Variants in RANBP9 observed in about 807,000 individuals in gnomAD.
RANBP9 encodes the protein RAN binding protein 9.
In RANBP9, 15 loss-of-function variants were observed where a neutral mutation model predicts 84.3. That is an observed-to-expected ratio of 0.18 (90% CI 0.12 to 0.27). The LOEUF (loss-of-function observed/expected upper bound fraction) is 0.27. Ranked by LOEUF, RANBP9 falls within the 10% of genes least tolerant of loss-of-function variation. RANBP9 has a pLI of 1.00. For missense variants in RANBP9, 809 were observed against 912.8 expected, an observed-to-expected ratio of 0.89 and a Z score of 1.46; for synonymous variants, 392 against 349.6, an observed-to-expected ratio of 1.12 and a Z score of -1.35.
intron 8 of RANBP9, 146 bp from the exon 9 acceptor site, chr6:13,639,899 C>G (rs1305554042): frequency 2.9e-6 from 2 of 691,482 alleles, no homozygotes; most frequent in African/African-American, 3.6e-5. Flanking sequence ...ATATGGTGTC[C>G]TATGCTTTAA....
At chr6:13,706,317 C>T (rs1758120549) in intron 1 of RANBP9, among the ~76,000 whole-genome samples, 1 of 152,094 alleles carries the variant, frequency 6.6e-6, no homozygotes, top group Non-Finnish European at 1.5e-5. Flanking sequence ...GCACTCCAGC[C>T]TGGGCAACAG....
Position 13,622,268 on chromosome 6 carries a change from A to T in RANBP9, c.*94T>A. The T allele has an allele frequency of 1.6e-6, 2 of 1,283,688 alleles. No individual in the cohort carries two copies. The allele number at this position is 1,283,688 out of a possible 1,614,324, so 79.5% of individuals were successfully genotyped here. A position where few individuals can be genotyped will look rare whatever the true frequency, so the allele number is the denominator to read the frequency against. On this transcript the variant is annotated 3_prime_UTR_variant, in exon 14 of 14. Transcript: ENST00000011619. ...CGACAAAAACCTGTCCCCAGTACAT[A>T]ATTTAAAAAATCTAAATTTCAAATC...
intron 1 of RANBP9, among the ~76,000 whole-genome samples, chr6:13,708,675 T>C (rs1056735138): frequency 5.9e-5 from 9 of 152,318 alleles, no homozygotes; most frequent in East Asian, 3.9e-4. Flanking sequence ...TTCACTCTTC[T>C]TATTCTGTGA....
intron 2 of RANBP9, among the ~76,000 whole-genome samples, chr6:13,664,234 T>C (rs1341650856): frequency 6.6e-6 from 1 of 151,954 alleles, no homozygotes; most frequent in East Asian, 1.9e-4. Context: ...AAAAACAAAA[T>C]TTAAAAAACC....
chr6:13,708,633 C>G (rs1414532399), intron 1 of RANBP9, among the ~76,000 whole-genome samples: 1 of 152,070 alleles, frequency 6.6e-6, no homozygotes, highest in African/African-American at 2.4e-5. Context: ...TTAGGTAAAA[C>G]CAATGCAGCA....
rs753944658 is a variant in RANBP9 at position 13,711,464 on chromosome 6, T to TTGCTGC, written c.36_41dup (p.Gln17_Gln18dup). On this transcript the variant is annotated inframe_insertion, in exon 1 of 14. Transcript: ENST00000011619. ...GTGGCGGCGACAGCTGCTGCTGCTG[T>TTGCTGC]TGCTGCTGCTGCGGCGGCGGCGGCG... 3 of 1,235,768 alleles carry TTGCTGC rather than the reference T, an allele frequency of 2.4e-6. No individual in the cohort carries two copies. Among genetic ancestry groups the TTGCTGC allele is most frequent in the South Asian group, 3.6e-5 (1 of 27,790 alleles). The allele number at this position is 1,235,768 out of a possible 1,614,324, so 76.6% of individuals were successfully genotyped here. A position where few individuals can be genotyped will look rare whatever the true frequency, so the allele number is the denominator to read the frequency against.
At chr6:13,622,575 A>T in intron 13 of RANBP9, 83 bp from the exon 14 acceptor site, 1 of 1,366,066 alleles carries the variant, frequency 7.3e-7, no homozygotes, top group Non-Finnish European at 9.8e-7. Flanking sequence ...TACTGCAATG[A>T]CTTTAAAAAC....
intron 2 of RANBP9, among the ~76,000 whole-genome samples, chr6:13,689,436 A>G (rs1034370535): frequency 6.6e-6 from 1 of 151,754 alleles, no homozygotes; most frequent in African/African-American, 2.4e-5. Flanking sequence ...ACACCCAGCT[A>G]ATTTTTGTAC....
intron 12 of RANBP9, among the ~76,000 whole-genome samples, chr6:13,628,639 T>C (rs1423563555): frequency 6.6e-6 from 1 of 152,150 alleles, no homozygotes; most frequent in African/African-American, 2.4e-5. Context: ...TAAAAAATGG[T>C]TTATACCATC....
chr6:13,645,191 G>GC (rs1301490059), intron 5 of RANBP9, among the ~76,000 whole-genome samples: 4 of 152,030 alleles, frequency 2.6e-5, no homozygotes, highest in African/African-American at 9.7e-5. Flanking sequence ...GCATTTAATA[G>GC]CTTAAATTTA....
intron 1 of RANBP9, among the ~76,000 whole-genome samples, chr6:13,703,314 CCTCT>C (rs921973673): frequency 1.3e-5 from 2 of 152,062 alleles, no homozygotes; most frequent in African/African-American, 2.4e-5. Flanking sequence ...CTCTATTCTC[CCTCT>C]CTCTTTCAAA....
At chr6:13,679,270 T>C (rs1373829141) in intron 2 of RANBP9, among the ~76,000 whole-genome samples, 1 of 152,228 alleles carries the variant, frequency 6.6e-6, no homozygotes, top group Non-Finnish European at 1.5e-5. Flanking sequence ...CTCGAAGAGC[T>C]ATAAAAATAT....
chr6:13,704,616 G>A (rs1330827852), intron 1 of RANBP9, among the ~76,000 whole-genome samples: 1 of 151,324 alleles, frequency 6.6e-6, no homozygotes, highest in Non-Finnish European at 1.5e-5. Context: ...GGACAATGGA[G>A]TCAGACCCTG....
chr6:13,709,060 G>A (rs1238764365), intron 1 of RANBP9, among the ~76,000 whole-genome samples: 2 of 152,114 alleles, frequency 1.3e-5, no homozygotes, highest in African/African-American at 2.4e-5. Context: ...GTAATAAAGA[G>A]GCCAAGAATA....
intron 2 of RANBP9, among the ~76,000 whole-genome samples, chr6:13,681,994 T>G (rs1176531250): frequency 6.6e-6 from 1 of 151,980 alleles, no homozygotes; most frequent in Admixed American, 6.6e-5. Flanking sequence ...GAGTAGTAGC[T>G]GGGATTACAG....
At chr6:13,704,621 A>G (rs1365517087) in intron 1 of RANBP9, among the ~76,000 whole-genome samples, 7 of 150,946 alleles carry the variant, frequency 4.6e-5, no homozygotes, top group African/African-American at 1.7e-4. Flanking sequence ...ATGGAGTCAG[A>G]CCCTGCCTCA....
intron 2 of RANBP9, among the ~76,000 whole-genome samples, chr6:13,675,750 A>G (rs76036511): frequency 6.6e-6 from 1 of 151,784 alleles, no homozygotes; most frequent in Non-Finnish European, 1.5e-5. Flanking sequence ...AAAAAACACA[A>G]ATTATTAATA....
At chr6:13,710,497 C>T (rs548859082) in intron 1 of RANBP9, among the ~76,000 whole-genome samples, 3 of 152,110 alleles carry the variant, frequency 2.0e-5, no homozygotes, top group Non-Finnish European at 4.4e-5. Flanking sequence ...AGAAATCATA[C>T]CTCAGAATCG....
chr6:13,684,393 AT>A (rs1209242684), intron 2 of RANBP9, among the ~76,000 whole-genome samples: 1 of 152,064 alleles, frequency 6.6e-6, no homozygotes, highest in Non-Finnish European at 1.5e-5. Context: ...TGCTGATTTC[AT>A]TTTTTCCCTA....
Sources: gnomAD v4.1 joint callset for allele counts (sites outside exome capture counted in the v4.1 genomes callset) on GRCh38, gnomAD v4.1.1 for gene constraint, MANE v1.5 for transcripts, NCBI Gene and HGNC (gene_info 2026-07-23, HGNC 2026-07-21) for gene names.